The following PTPN20 variants were observed in gnomAD, a reference collection of about 807,000 sequenced individuals.
PTPN20 encodes protein tyrosine phosphatase non-receptor type 20.
Under a neutral mutation model 35.0 loss-of-function variants are expected in PTPN20, and 9 were observed. The observed-to-expected ratio is 0.26, with a 90% confidence interval of 0.15 to 0.45. The LOEUF (loss-of-function observed/expected upper bound fraction) is 0.45. Ranked by LOEUF, PTPN20 falls within the 20% of genes least tolerant of loss-of-function variation. PTPN20 has a pLI of 1.00. For missense variants in PTPN20, 111 were observed against 312.5 expected (o/e 0.36, Z 4.86); for synonymous variants, 32 against 100.2 (o/e 0.32, Z 4.06).
intron 2 of PTPN20, among the ~76,000 whole-genome samples, chr10:46,936,089 T>A (rs1451802859): frequency 1.3e-5 from 2 of 152,234 alleles, no homozygotes; most frequent in African/African-American, 4.8e-5. Flanking sequence ...TTCTTGGCTA[T>A]GTGTATGTCT....
At chr10:46,937,807 GA>G (rs1555128370) in intron 2 of PTPN20, among the ~76,000 whole-genome samples, 1 of 151,556 alleles carries the variant, frequency 6.6e-6, no homozygotes, top group African/African-American at 2.4e-5. Flanking sequence ...CATTTCTATT[GA>G]TTGATTGATT....
rs1271763696 is a variant in PTPN20, at chr10:46,929,828, A to G, written c.-123-2549A>G. The stretch of plus-strand genomic sequence containing the variant: ...TTTTCTGAAAGGTTTTCTTCTGCAA[A>G]TGAAGATTTTGTTTTTATCATATAG... On this transcript the variant is annotated intron_variant, in intron 1 of 10. Coordinates refer to ENST00000374339, the MANE Select transcript of PTPN20 (RefSeq NM_001042357.5). 2.0e-5 allele frequency among the ~76,000 whole-genome samples: 3 copies of G among 146,870 alleles called. No individual in the cohort carries two copies. In the East Asian group the frequency reaches 5.9e-4, roughly 29 times the overall value.
intron 5 of PTPN20, among the ~76,000 whole-genome samples, chr10:46,952,817 C>A (rs1349888142): frequency 6.6e-6 from 1 of 151,872 alleles, no homozygotes; most frequent in Admixed American, 6.6e-5. Flanking sequence ...TGGAAAGCAG[C>A]AGCCCAGTTT....
chr10:46,968,650 C>T (rs2051439486), intron 7 of PTPN20, among the ~76,000 whole-genome samples: 1 of 152,204 alleles, frequency 6.6e-6, no homozygotes, highest in Non-Finnish European at 1.5e-5. Flanking sequence ...TAATCTTAGG[C>T]AGGATATCTC....
chr10:46,949,552 A>G (rs2046059642), intron 5 of PTPN20, among the ~76,000 whole-genome samples: 1 of 151,544 alleles, frequency 6.6e-6, no homozygotes, highest in South Asian at 2.1e-4. Context: ...ATTTTGATTT[A>G]GTGTTTTTTT....
chr10:47,002,886 G>A (rs1263766200), downstream of PTPN20, among the ~76,000 whole-genome samples: 1 of 151,816 alleles, frequency 6.6e-6, no homozygotes, highest in Non-Finnish European at 1.5e-5. Context: ...TTTACCTTTA[G>A]CACTCAAAAG....
chr10:46,950,797 T>C (rs2046408677), intron 5 of PTPN20, among the ~76,000 whole-genome samples: 3 of 152,048 alleles, frequency 2.0e-5, no homozygotes, highest in Non-Finnish European at 4.4e-5. Flanking sequence ...CACAAAGATA[T>C]AAAAACAGAT....
intron 5 of PTPN20, chr10:46,955,076 C>T (rs2048066118): frequency 1.3e-5 from 2 of 150,894 alleles, no homozygotes; most frequent in Admixed American, 6.6e-5. Flanking sequence ...TATGCAAATA[C>T]TATGCTATTT....
intron 9 of PTPN20, among the ~76,000 whole-genome samples, chr10:46,992,487 G>T (rs1440745554): frequency 1.3e-5 from 2 of 152,088 alleles, no homozygotes; most frequent in Non-Finnish European, 2.9e-5. Flanking sequence ...TTTGAGCTCT[G>T]AGATTCTTTC....
intron 9 of PTPN20, among the ~76,000 whole-genome samples, chr10:46,992,364 C>A (rs992400382): frequency 3.9e-5 from 6 of 152,132 alleles, no homozygotes; most frequent in Admixed American, 3.9e-4. Context: ...CCCAAGAGAT[C>A]CTCCCACCTC....
At chr10:46,931,960 GTAAT>G (rs1471835095) in intron 1 of PTPN20, among the ~76,000 whole-genome samples, 2 of 148,026 alleles carry the variant, frequency 1.4e-5, no homozygotes, top group African/African-American at 2.6e-5. Flanking sequence ...GACGGTCTCT[GTAAT>G]TAATTCTTAT....
chr10:47,000,606 T>A, intron 10 of PTPN20, 70 bp from the exon 11 acceptor site: 1 of 1,576,792 alleles, frequency 6.3e-7, no homozygotes, highest in Admixed American at 1.7e-5. Flanking sequence ...ATTACAAATG[T>A]GTTTTCTGAA....
At chr10:46,920,607 C>T (rs2034839332) in intron 1 of PTPN20, among the ~76,000 whole-genome samples, 2 of 137,366 alleles carry the variant, frequency 1.5e-5, no homozygotes, top group Non-Finnish European at 1.5e-5. Context: ...TGTTAGGCTA[C>T]CAGGGCAGGT....
rs1351765779 is a variant in PTPN20, at chr10:47,000,806, T to G, written c.*65T>G. On this transcript the variant is annotated 3_prime_UTR_variant, in exon 11 of 11. Coordinates refer to ENST00000374339, the MANE Select transcript of PTPN20 (RefSeq NM_001042357.5). Reference sequence around the variant, plus strand: ...GGTTTGCACCTCCTCATAAAGAACATGTTTGCACTGTGCTGAAGGGCTTTG... The same window carrying G: ...GGTTTGCACCTCCTCATAAAGAACAGGTTTGCACTGTGCTGAAGGGCTTTG... The G allele has an allele frequency of 6.3e-6, 10 of 1,575,452 alleles. No homozygotes were observed. The highest frequency in any genetic ancestry group is 8.7e-6 in the Non-Finnish European group (10 of 1,145,098).
intron 7 of PTPN20, among the ~76,000 whole-genome samples, chr10:46,982,949 A>G (rs2055900507): frequency 6.6e-6 from 1 of 152,076 alleles, no homozygotes; most frequent in Non-Finnish European, 1.5e-5. Flanking sequence ...AATTTTATTT[A>G]ATATACAAAT....
chr10:46,980,187 A>T (rs1370720096), intron 7 of PTPN20, among the ~76,000 whole-genome samples: 1 of 119,460 alleles, frequency 8.4e-6, no homozygotes, highest in Non-Finnish European at 1.8e-5. Context: ...ACAAGCAAAA[A>T]AGAGGCACAA....
chr10:46,939,981 G>T (rs1555132542), intron 2 of PTPN20, among the ~76,000 whole-genome samples: 1 of 152,068 alleles, frequency 6.6e-6, no homozygotes, highest in Non-Finnish European at 1.5e-5. Context: ...GGCTCCCATG[G>T]TATGAGAAAC....
rs2138287583 is a variant in PTPN20, at chr10:47,000,724, C to T, written c.1246C>T (p.Leu416Phe). 1 of 1,613,540 alleles carries T rather than the reference C, an allele frequency of 6.2e-7. No homozygotes were observed. The highest frequency in any genetic ancestry group is 8.5e-7 in the Non-Finnish European group (1 of 1,179,572). ...TATTGTGCTTGAAGTTCTTCGGAAA[C>T]TTCTGACTTTGGATTAAGAAAGACT... ...YDIVLEVLRK[L>F]LTLD The change falls in exon 11 of 11, where the codon CTT becomes TTT. Residue 416 changes from leucine (L) to phenylalanine (F), a missense_variant. Coordinates refer to ENST00000374339, the MANE Select transcript of PTPN20 (RefSeq NM_001042357.5).
At chr10:46,997,471 T>C (rs920551664) in intron 9 of PTPN20, among the ~76,000 whole-genome samples, 18 of 151,974 alleles carry the variant, frequency 1.2e-4, no homozygotes, top group Non-Finnish European at 2.1e-4. Flanking sequence ...GTATACATCC[T>C]ACTTATTTTC....
Sources: allele counts gnomAD v4.1 joint callset (sites outside exome capture counted in the v4.1 genomes callset), GRCh38; gene constraint gnomAD v4.1.1; transcripts MANE v1.5; gene names NCBI Gene and HGNC (gene_info 2026-07-23, HGNC 2026-07-21).